The following ZNF236 variants were observed in gnomAD, a reference collection of about 807,000 sequenced individuals.
ZNF236 encodes the protein zinc finger protein 236.
ZNF236 carries 50 observed loss-of-function variants against 191.2 expected under a neutral mutation model. The ratio of observed to expected loss-of-function variants is 0.26; its 90% CI spans 0.21 to 0.33. ZNF236 has a LOEUF of 0.33. ZNF236 is among the 10% of genes least tolerant of loss of function. The pLI, the probability that ZNF236 is intolerant of heterozygous loss-of-function variation, is 1.00. For missense variants in ZNF236, 1,754 were observed against 2,374.5 expected (o/e 0.74, Z 5.43); for synonymous variants, 907 against 928.8 (o/e 0.98, Z 0.43).
At chr18:76,843,803 A>AAAAAAAAG (rs71172383) in intron 1 of ZNF236, among the ~76,000 whole-genome samples, 1,840 of 62,060 alleles carry the variant, frequency 0.03, 617 homozygotes, top group East Asian at 0.1. Context: ...AAAAAAAAAA[A>AAAAAAAAG]AAGTAAAGAA....
Position 76,968,639 on chromosome 18 carries a change from G to C in ZNF236, c.*300G>C. ...TCTAGTTCACGAAGCAATTAACTGG[G>C]TCTTACTATCATTGTAGTGTGATTT... On this transcript the variant is annotated 3_prime_UTR_variant, in exon 31 of 31. Coordinates refer to ENST00000320610, the MANE Select transcript of ZNF236 (RefSeq NM_001306089.2). The C allele has an allele frequency of 1.8e-6, 2 of 1,117,074 alleles. No homozygotes were observed. The highest frequency in any genetic ancestry group is 1.1e-6 in the Non-Finnish European group (1 of 914,548). 69.2% of individuals were successfully genotyped at this position (1,117,074 alleles called of 1,614,324 possible).
Position 76,925,418 on chromosome 18 carries a change from T to C in ZNF236, c.3891T>C (p.Pro1297=), listed in dbSNP as rs1168398205. ...MTRSSSEGLQ[P]VNLLNSSSTD... Reference sequence around the variant, plus strand: ...GAAGCTCATCGGAAGGACTGCAGCCTGTAAACCTCCTCAACTCCTCCTCTA... The same window carrying C: ...GAAGCTCATCGGAAGGACTGCAGCCCGTAAACCTCCTCAACTCCTCCTCTA... Residue 1297 remains proline (P), a synonymous_variant, in exon 22 of 31, where the codon CCT becomes CCC. Transcript: ENST00000320610. This position sits in a 1 kb window ranked among gnomAD's most constrained non-coding sequence, Gnocchi z 5.7. 1.9e-6 allele frequency: 3 copies of C among 1,614,230 alleles called. No individual in the cohort carries two copies. The South Asian group carries it at 3.3e-5, about 18-fold the overall frequency.
At chr18:76,865,062 C>T (rs1448586243) in intron 3 of ZNF236, among the ~76,000 whole-genome samples, 4 of 152,042 alleles carry the variant, frequency 2.6e-5, no homozygotes, top group African/African-American at 9.7e-5. Context: ...GCTGGCTGGG[C>T]ACGGTGGCTC....
At chr18:76,895,358 A>AACACAGGTATGGCACACAGTAGGC in intron 10 of ZNF236, 73 bp downstream of exon 10, 1 of 1,562,626 alleles carries the variant, frequency 6.4e-7, no homozygotes, top group Middle Eastern at 1.7e-4. Flanking sequence ...ACATATACCA[A>AACACAGGTATGGCACACAGTAGGC]ACACAGGTAT....
At chr18:76,944,467 A>C (rs1185525926) in intron 26 of ZNF236, among the ~76,000 whole-genome samples, 1 of 152,200 alleles carries the variant, frequency 6.6e-6, no homozygotes, top group Non-Finnish European at 1.5e-5. Context: ...TTGGACACTG[A>C]TTTTTAAATC....
At position 76,938,809 on chromosome 18, in the gene ZNF236, G is replaced by A. The variant is rs117442600; in HGVS notation, c.4782+1466G>A. ...CCTGTAGCCAAGCAGCCCTGCCTAC[G>A]TCGTGCCCCCAGGGACCTGTCGGGC... On this transcript the variant is annotated intron_variant, in intron 26 of 30. Transcript: ENST00000320610. Among the ~76,000 whole-genome samples the A allele has an allele frequency of 3.2e-4, 49 of 152,258 alleles. No individual in the cohort carries two copies. The East Asian group carries it at 7.6e-3, about 23-fold the overall frequency.
At chr18:76,941,647 C>T (rs77987228) in intron 26 of ZNF236, among the ~76,000 whole-genome samples, 2,406 of 152,186 alleles carry the variant, frequency 0.016, 29 homozygotes, top group Middle Eastern at 0.021. Flanking sequence ...CAGCACGAGC[C>T]GGGTGGGTCT....
intron 1 of ZNF236, among the ~76,000 whole-genome samples, chr18:76,844,397 G>T (rs1436883669): frequency 6.6e-6 from 1 of 152,152 alleles, no homozygotes; most frequent in Non-Finnish European, 1.5e-5. Flanking sequence ...TGGGTGCCTG[G>T]CCAGGGGGCT....
chr18:76,849,728 A>T, intron 2 of ZNF236, 60 bp downstream of exon 2: 1 of 1,397,710 alleles, frequency 7.2e-7, no homozygotes. Context: ...GTATTGTAAA[A>T]ATGAACAAGT....
At chr18:76,889,119 TCACCTTCA>T (rs1442859874) in intron 9 of ZNF236, among the ~76,000 whole-genome samples, 1 of 152,230 alleles carries the variant, frequency 6.6e-6, no homozygotes, top group Non-Finnish European at 1.5e-5. Flanking sequence ...TTTCTGGGAC[TCACCTTCA>T]CACCTGGCTT....
At chr18:76,823,802 C>T (rs879826442) in intron 1 of ZNF236, among the ~76,000 whole-genome samples, 17 of 152,262 alleles carry the variant, frequency 1.1e-4, no homozygotes, top group Admixed American at 1.0e-3. Flanking sequence ...GCCGGTGCCG[C>T]GGTTCCCAGG....
At chr18:76,894,842 G>T (rs777372584) in intron 9 of ZNF236, among the ~76,000 whole-genome samples, 171 bp from the exon 10 acceptor site, 1 of 152,160 alleles carries the variant, frequency 6.6e-6, no homozygotes, top group Non-Finnish European at 1.5e-5. Flanking sequence ...GACTGTTAGG[G>T]GTTTCAGCGA....
At chr18:76,937,430 A>G in intron 26 of ZNF236, 87 bp downstream of exon 26, 1 of 1,244,946 alleles carries the variant, frequency 8.0e-7, no homozygotes, top group Non-Finnish European at 1.1e-6. Flanking sequence ...CTAAATAAAT[A>G]GTCTGAGCAT....
intron 1 of ZNF236, among the ~76,000 whole-genome samples, chr18:76,846,062 C>G (rs1237697809): frequency 6.6e-6 from 1 of 152,128 alleles, no homozygotes; most frequent in African/African-American, 2.4e-5. Context: ...CTCCTGCAGC[C>G]TAGCTGGGGC....
At chr18:76,826,033 A>G (rs1975006919) in intron 1 of ZNF236, among the ~76,000 whole-genome samples, 1 of 152,204 alleles carries the variant, frequency 6.6e-6, no homozygotes, top group African/African-American at 2.4e-5. Flanking sequence ...TTGTTGCCCT[A>G]TTATGAATTT....
At chr18:76,932,947 G>A (rs1228366984) in intron 25 of ZNF236, among the ~76,000 whole-genome samples, 1 of 152,130 alleles carries the variant, frequency 6.6e-6, no homozygotes, top group Non-Finnish European at 1.5e-5. Flanking sequence ...TGGCTAGTTC[G>A]GTAGTAAGTG....
intron 26 of ZNF236, among the ~76,000 whole-genome samples, chr18:76,944,796 CTTAA>C (rs1055062764): frequency 2.0e-4 from 30 of 152,174 alleles, no homozygotes; most frequent in African/African-American, 7.2e-4. Context: ...AAAAAGAATA[CTTAA>C]TTAAGGTTTG....
intron 7 of ZNF236, among the ~76,000 whole-genome samples, chr18:76,879,284 G>T (rs1482799339): frequency 6.6e-6 from 1 of 152,138 alleles, no homozygotes; most frequent in Non-Finnish European, 1.5e-5. Flanking sequence ...TACTTGGGCA[G>T]GTAAGAACAT....
At chr18:76,912,468 C>G (rs1967243216) in intron 17 of ZNF236, 121 bp downstream of exon 17, 1 of 617,958 alleles carries the variant, frequency 1.6e-6, no homozygotes, top group Non-Finnish European at 2.8e-6. Context: ...CAAAACAGTT[C>G]CATTGTCATC....
Sources: allele counts gnomAD v4.1 joint callset (sites outside exome capture counted in the v4.1 genomes callset), GRCh38; gene constraint gnomAD v4.1.1; non-coding constraint Gnocchi (gnomAD v3.1); transcripts MANE v1.5; gene names NCBI Gene and HGNC (gene_info 2026-07-23, HGNC 2026-07-21).